The following MAP4K5 variants were observed in gnomAD, a reference collection of about 807,000 sequenced individuals.
The protein encoded by MAP4K5 is MAPK/ERK kinase kinase kinase 5.
MAP4K5 carries 82 observed loss-of-function variants against 135.6 expected under a neutral mutation model. That is an observed-to-expected ratio of 0.60 (90% CI 0.51 to 0.73). The LOEUF (loss-of-function observed/expected upper bound fraction) is 0.73, where lower values mean the gene tolerates loss of function less well. MAP4K5 is among the 30% of genes least tolerant of loss of function. The pLI is 0.00. For missense variants in MAP4K5, 907 were observed against 1,010.9 expected (o/e 0.90, Z 1.39); for synonymous variants, 347 against 335.0 (o/e 1.04, Z -0.39).
chr14:50,455,007 ACAGAATAGAATTTC>A (rs1201838716), intron 14 of MAP4K5, among the ~76,000 whole-genome samples: 1 of 152,010 alleles, frequency 6.6e-6, no homozygotes, highest in Non-Finnish European at 1.5e-5. Flanking sequence ...CAGACATGCA[ACAGAATAGAATTTC>A]CAGAATAGAA....
intron 13 of MAP4K5, among the ~76,000 whole-genome samples, chr14:50,458,714 ATGCTT>A (rs2036644967): frequency 6.6e-6 from 1 of 152,040 alleles, no homozygotes; most frequent in African/African-American, 2.4e-5. Context: ...CTCATTCTAC[ATGCTT>A]CCCTTGGGTG....
chr14:50,548,178 AAGATAGTACAGCAGCTTGTTCCCC>A (rs2038658187), intron 1 of MAP4K5, among the ~76,000 whole-genome samples: 2 of 152,172 alleles, frequency 1.3e-5, no homozygotes, highest in Non-Finnish European at 2.9e-5. Flanking sequence ...TGTCACTGAT[AAGATAGTACAGCAGCTTGTTCCCC>A]AGACAGTAAA....
At chr14:50,465,553 G>T (rs2036813006) in intron 11 of MAP4K5, among the ~76,000 whole-genome samples, 2 of 152,068 alleles carry the variant, frequency 1.3e-5, no homozygotes, top group South Asian at 4.1e-4. Flanking sequence ...AGGAAGAGAG[G>T]GAAAAACCAA....
intron 1 of MAP4K5, among the ~76,000 whole-genome samples, chr14:50,546,215 C>T (rs2038629858): frequency 6.6e-6 from 1 of 152,132 alleles, no homozygotes; most frequent in African/African-American, 2.4e-5. Flanking sequence ...TTGTCCACAG[C>T]CTTCACTGGA....
chr14:50,499,664 A>T (rs1285787250), intron 3 of MAP4K5, among the ~76,000 whole-genome samples: 1 of 152,150 alleles, frequency 6.6e-6, no homozygotes, highest in African/African-American at 2.4e-5. Context: ...TTTAAAAAAA[A>T]AAAAAAGTCA....
At chr14:50,524,809 T>A (rs1373954869) in intron 2 of MAP4K5, among the ~76,000 whole-genome samples, 1 of 152,206 alleles carries the variant, frequency 6.6e-6, no homozygotes, top group Non-Finnish European at 1.5e-5. Flanking sequence ...AAGACTTTAT[T>A]CTACAGACAA....
Position 50,504,843 on chromosome 14 carries a change from G to A in MAP4K5, c.123C>T (p.His41=). The A allele has an allele frequency of 6.4e-7, 1 of 1,552,482 alleles. No individual in the cohort carries two copies. Among genetic ancestry groups the A allele is most frequent in the Non-Finnish European group, 8.7e-7 (1 of 1,148,396 alleles). ...TTTTTACTGCAGCCAGCTCTCCTGT[G>A]TGTACATTTCTGGCCTAAAAATAAA... ...YGDVYKARNV[H]TGELAAVKII... Residue 41 remains histidine, a synonymous_variant, in exon 3 of 33, where the codon CAC becomes CAT. Transcript: ENST00000682126.
chr14:50,560,473 A>T, intron 1 of MAP4K5: 1 of 826,434 alleles, frequency 1.2e-6, no homozygotes, highest in Non-Finnish European at 1.9e-6. Context: ...GCCGAGCGGT[A>T]CCCGCGTCAC....
Position 50,435,015 on chromosome 14 carries a change from C to T in MAP4K5, c.1933G>A (p.Gly645Arg), listed in dbSNP as rs773752956. 14 of 1,611,478 alleles carry T rather than the reference C, an allele frequency of 8.7e-6. No individual in the cohort carries two copies. The Admixed American group carries it at 1.2e-4, about 13-fold the overall frequency. The stretch of plus-strand genomic sequence containing the variant: ...TCATACCACTGAAGTAAAACAATTC[C>T]AGACTGTAAAGCTCCACAGAGGTAT... ...HKYLCGALQS[G>R]IVLLQWYEPM... Residue 645 changes from glycine to arginine, a missense_variant, in exon 27 of 33, where the codon GGA (glycine) becomes AGA (arginine). Around this residue, in one of 3 missense-constraint regions of MAP4K5, gnomAD observed 690 missense variants for 777.4 expected, o/e 0.89. Transcript: ENST00000682126.
chr14:50,474,998 C>T, intron 9 of MAP4K5, 79 bp downstream of exon 9: 1 of 1,183,270 alleles, frequency 8.5e-7, no homozygotes, highest in Non-Finnish European at 1.3e-6. Flanking sequence ...ATTATTACTT[C>T]TATTACCAAG....
At chr14:50,541,939 A>C (rs188361915) in intron 2 of MAP4K5, among the ~76,000 whole-genome samples, 1 of 135,746 alleles carries the variant, frequency 7.4e-6, no homozygotes, top group African/African-American at 2.7e-5. Context: ...CCCAGGAGGC[A>C]GAGCTTGTAG....
chr14:50,537,002 G>C (rs183399379), upstream of MAP4K5, among the ~76,000 whole-genome samples: 1 of 152,374 alleles, frequency 6.6e-6, no homozygotes, highest in African/African-American at 2.4e-5. Flanking sequence ...GTAACGAAAA[G>C]CTGAATATTA....
intron 1 of MAP4K5, among the ~76,000 whole-genome samples, chr14:50,551,938 C>T (rs372879357): frequency 6.6e-6 from 1 of 152,142 alleles, no homozygotes; most frequent in African/African-American, 2.4e-5. Flanking sequence ...AGCATTCCCC[C>T]AGAGAACTAG....
chr14:50,483,470 A>G (rs558945096), intron 5 of MAP4K5, among the ~76,000 whole-genome samples: 6 of 152,084 alleles, frequency 3.9e-5, no homozygotes, highest in African/African-American at 1.4e-4. Flanking sequence ...CTCTCTACCC[A>G]TTCAGGAACA....
At chr14:50,549,341 C>T (rs1257025259) in intron 1 of MAP4K5, among the ~76,000 whole-genome samples, 1 of 152,204 alleles carries the variant, frequency 6.6e-6, no homozygotes, top group East Asian at 1.9e-4. Flanking sequence ...GCATCTCCAT[C>T]CTCTATGCAG....
intron 2 of MAP4K5, 40 bp downstream of exon 2, chr14:50,531,902 C>T (rs929581346): frequency 7.3e-7 from 1 of 1,376,448 alleles, no homozygotes; most frequent in African/African-American, 1.4e-5. Flanking sequence ...TCCCGGGACC[C>T]AGTCGACCGC....
chr14:50,456,204 A>G (rs2036591266), intron 14 of MAP4K5: 1 of 319,302 alleles, frequency 3.1e-6, no homozygotes, highest in African/African-American at 2.2e-5. Flanking sequence ...AATGAAAGAA[A>G]TGTGGCAAAA....
At chr14:50,428,270 CT>C (rs761504784) in intron 30 of MAP4K5, among the ~76,000 whole-genome samples, 6,733 of 147,632 alleles carry the variant, frequency 0.046, 167 homozygotes, top group Non-Finnish European at 0.065. Context: ...ACATTTCTAT[CT>C]TTTTTTTTTT....
chr14:50,467,229 G>C (rs1695694254), intron 10 of MAP4K5, among the ~76,000 whole-genome samples: 2 of 152,036 alleles, frequency 1.3e-5, no homozygotes, highest in African/African-American at 4.8e-5. Context: ...GAGGATTTAA[G>C]AAGGAAGTTC....
Sources: allele counts gnomAD v4.1 joint callset (sites outside exome capture counted in the v4.1 genomes callset), GRCh38; gene constraint gnomAD v4.1.1; regional missense constraint gnomAD v4.1.1; transcripts MANE v1.5; gene names NCBI Gene and HGNC (gene_info 2026-07-23, HGNC 2026-07-21).